The following IQGAP3 variants were observed in gnomAD, a reference collection of about 807,000 sequenced individuals.
IQGAP3 encodes the protein ras GTPase-activating-like protein IQGAP3.
A neutral mutation model predicts 208.2 loss-of-function variants in IQGAP3; 165 were observed. The observed-to-expected ratio is 0.79, with a 90% CI of 0.70 to 0.90. The LOEUF (loss-of-function observed/expected upper bound fraction) is 0.90. Among genes scored for constraint, IQGAP3 ranks in the 40% least tolerant of loss-of-function variants. IQGAP3 has a pLI of 0.00. For missense variants in IQGAP3, 1,811 were observed against 2,043.1 expected (o/e 0.89, Z 2.19); for synonymous variants, 703 against 803.6 (o/e 0.87, Z 2.12).
chr1:156,548,613 A>C lies in IQGAP3; in HGVS notation c.1961T>G (p.Leu654Arg). The change falls in exon 17 of 38, where the codon CTG becomes CGG. Residue 654 changes from leucine (L) to arginine (R), a missense_variant. Coordinates refer to ENST00000361170, the MANE Select transcript of IQGAP3 (RefSeq NM_178229.5). Reference protein sequence around the residue: ...PDCANGYQRALESAMAKKQRP... With the variant: ...PDCANGYQRARESAMAKKQRP... ...CTGTTTCTTTGCCATGGCACTTTCC[A>C]GGGCTCGCTGGTAGCCGTTGGCACA... 3 of 1,607,342 alleles carry C rather than the reference A, an allele frequency of 1.9e-6. No individual in the cohort carries two copies. Among genetic ancestry groups the C allele is most frequent in the South Asian group, 2.2e-5 (2 of 90,374 alleles).
At chr1:156,563,887 G>A (rs960885610) in intron 5 of IQGAP3, 63 bp from the exon 6 acceptor site, 97 of 1,407,516 alleles carry the variant, frequency 6.9e-5, no homozygotes, top group Admixed American at 2.6e-4. Flanking sequence ...CTCTGCCCAC[G>A]ATGGGTTTGA....
intron 27 of IQGAP3, among the ~76,000 whole-genome samples, chr1:156,536,034 C>G (rs1034421190): frequency 6.6e-6 from 1 of 152,172 alleles, no homozygotes; most frequent in Non-Finnish European, 1.5e-5. Flanking sequence ...CATTTAAAAG[C>G]AATTTCCACT....
chr1:156,554,396 C>A lies in IQGAP3; in HGVS notation c.1291-4G>T. On this transcript the variant is annotated splice_polypyrimidine_tract_variant and splice_region_variant and intron_variant, in intron 12 of 37. Transcript: ENST00000361170. ...AGAGCTCCTCCTGGCCAAGCTCCTA[C>A]AATGGGTGGGAGGGCCAATTCCCAA... 6.3e-7 allele frequency: 1 copy of A among 1,597,968 alleles called. No homozygotes were observed. Among genetic ancestry groups the A allele is most frequent in the Non-Finnish European group, 8.5e-7 (1 of 1,173,276 alleles).
chr1:156,564,204 G>A (rs1353248707), intron 5 of IQGAP3, among the ~76,000 whole-genome samples: 1 of 152,154 alleles, frequency 6.6e-6, no homozygotes, highest in Non-Finnish European at 1.5e-5. Context: ...GTAAACACAA[G>A]GAACCGGTCG....
intron 34 of IQGAP3, among the ~76,000 whole-genome samples, chr1:156,529,808 C>G (rs933861858): frequency 2.7e-5 from 4 of 146,488 alleles, no homozygotes; most frequent in Non-Finnish European, 5.9e-5. Flanking sequence ...GTAATCCCAG[C>G]TACTTGGGAG....
Position 156,527,935 on chromosome 1 carries a change from T to C in IQGAP3, c.4782+17A>G. ...GCCCAGCAGATGTCCTGCAGGCTCA[T>C]GGGACTGTCCCCTCACCTGATAGTG... On this transcript the variant is annotated intron_variant, in intron 37 of 37. Transcript: ENST00000361170. The C allele has an allele frequency of 1.3e-6, 2 of 1,568,116 alleles. No homozygotes were observed. The highest frequency in any genetic ancestry group is 1.3e-5 in the African/African-American group (1 of 74,118).
intron 5 of IQGAP3, among the ~76,000 whole-genome samples, chr1:156,564,370 C>T (rs892972149): frequency 2.0e-5 from 3 of 152,168 alleles, no homozygotes; most frequent in African/African-American, 7.2e-5. Flanking sequence ...AGGCCCTACC[C>T]TGCTACTTTC....
chr1:156,540,501 T>G (rs1045159757), intron 23 of IQGAP3, among the ~76,000 whole-genome samples: 9 of 152,146 alleles, frequency 5.9e-5, no homozygotes, highest in African/African-American at 2.2e-4. Flanking sequence ...GGCATTCTGA[T>G]TCTAGGTTTC....
chr1:156,556,241 C>T (rs111721959), intron 12 of IQGAP3, among the ~76,000 whole-genome samples: 1,726 of 152,360 alleles, frequency 0.011, 19 homozygotes, highest in African/African-American at 0.04. Context: ...CTGGCACTCA[C>T]AGCTGTGTTG....
chr1:156,567,163 G>A (rs1198275411), intron 2 of IQGAP3, among the ~76,000 whole-genome samples: 1 of 152,146 alleles, frequency 6.6e-6, no homozygotes, highest in African/African-American at 2.4e-5. Context: ...CACCGCGCCC[G>A]GCCCTAGTTA....
chr1:156,562,739 T>TAC (rs1333136045), intron 8 of IQGAP3, 74 bp from the exon 9 acceptor site: 1 of 1,285,274 alleles, frequency 7.8e-7, no homozygotes, highest in African/African-American at 1.5e-5. Context: ...CCTGCCTGGC[T>TAC]ACACTTATTT....
At chr1:156,569,743 T>A (rs369072770) in intron 1 of IQGAP3, among the ~76,000 whole-genome samples, 1 of 151,976 alleles carries the variant, frequency 6.6e-6, no homozygotes, top group East Asian at 1.9e-4. Context: ...ATGGTCTTGA[T>A]CTCCTGACCT....
chr1:156,562,307 C>T (rs556137752), intron 9 of IQGAP3, among the ~76,000 whole-genome samples: 1 of 150,820 alleles, frequency 6.6e-6, no homozygotes, highest in Admixed American at 6.7e-5. Context: ...TTGCCCCTCT[C>T]GAAGGACCCC....
At chr1:156,530,433 CATT>C (rs1674338028) in intron 33 of IQGAP3, 116 bp from the exon 34 acceptor site, 4 of 844,306 alleles carry the variant, frequency 4.7e-6, no homozygotes, top group Non-Finnish European at 7.4e-6. Flanking sequence ...TTCTGCATAT[CATT>C]AAGAAAGTGC....
chr1:156,563,397 A>G, intron 7 of IQGAP3, 85 bp from the exon 8 acceptor site: 2 of 1,443,142 alleles, frequency 1.4e-6, no homozygotes, highest in Non-Finnish European at 1.9e-6. Flanking sequence ...CTCTAATGTC[A>G]TCCTTTTTCC....
intron 16 of IQGAP3, among the ~76,000 whole-genome samples, chr1:156,549,327 C>T (rs1036838112): frequency 2.0e-5 from 3 of 151,976 alleles, no homozygotes; most frequent in African/African-American, 7.3e-5. Context: ...AAAAATTAGC[C>T]AGCTGTGGTG....
intron 34 of IQGAP3, 35 bp from the exon 35 acceptor site, chr1:156,529,117 C>A (rs1416167399): frequency 6.2e-7 from 1 of 1,609,332 alleles, no homozygotes; most frequent in Non-Finnish European, 8.5e-7. Flanking sequence ...GATGAGTGGT[C>A]CTTCCTGGCA....
chr1:156,531,308 G>A, intron 32 of IQGAP3, 61 bp from the exon 33 acceptor site: 1 of 1,279,004 alleles, frequency 7.8e-7, no homozygotes, highest in Non-Finnish European at 1.1e-6. Flanking sequence ...CTGGACATGG[G>A]ACTGGCCAGA....
At chr1:156,531,284 G>A (rs1377349384) in intron 32 of IQGAP3, 37 bp from the exon 33 acceptor site, 1 of 1,519,778 alleles carries the variant, frequency 6.6e-7, no homozygotes, top group Admixed American at 1.7e-5. Flanking sequence ...AGAGGTAAGG[G>A]GCAGGGGAAG....
Sources: gnomAD v4.1 joint callset for allele counts (sites outside exome capture counted in the v4.1 genomes callset) on GRCh38, gnomAD v4.1.1 for gene constraint, MANE v1.5 for transcripts, NCBI Gene and HGNC (gene_info 2026-07-23, HGNC 2026-07-21) for gene names.